The following FRMPD4 variants were observed in gnomAD, a reference collection of about 807,000 sequenced individuals.
FRMPD4 encodes FERM and PDZ domain-containing protein 4.
A neutral mutation model predicts 94.1 loss-of-function variants in FRMPD4; 22 were observed. That is an observed-to-expected ratio of 0.23 (90% CI 0.17 to 0.33). The LOEUF (loss-of-function observed/expected upper bound fraction) is 0.33, where lower values mean the gene tolerates loss of function less well. Ranked by LOEUF, FRMPD4 falls within the 10% of genes least tolerant of loss-of-function variation. The pLI, the probability that FRMPD4 is intolerant of heterozygous loss-of-function variation, is 1.00. For missense variants in FRMPD4, 1,111 were observed against 1,339.9 expected, an observed-to-expected ratio of 0.83 and a Z score of 2.67; for synonymous variants, 631 against 548.6, an observed-to-expected ratio of 1.15 and a Z score of -2.10.
intron 10 of FRMPD4, among the ~76,000 whole-genome samples, chrX:12,703,601 GGATA>G (rs2041825690): frequency 8.9e-6 from 1 of 112,129 alleles, no homozygotes. Flanking sequence ...TTCTACTCCA[GGATA>G]GATTTCCTAG....
At chrX:12,059,514 A>G (rs763117939) in intron 3 of FRMPD4, among the ~76,000 whole-genome samples, 1 of 110,375 alleles carries the variant, frequency 9.1e-6, no homozygotes, top group East Asian at 2.8e-4. Context: ...TAGGTTTGTT[A>G]ACTGGTTATA....
At chrX:11,847,142 G>A (rs1177313546) in intron 1 of FRMPD4, among the ~76,000 whole-genome samples, 1 of 110,939 alleles carries the variant, frequency 9.0e-6, no homozygotes, top group Non-Finnish European at 1.9e-5. Context: ...TGTGACAAAG[G>A]GCTAATATCC....
rs773955635 is a variant in FRMPD4, at chrX:12,716,261, A to G, written c.1802A>G (p.Tyr601Cys). 3.3e-6 allele frequency: 4 copies of G among 1,210,501 alleles called. No homozygotes were observed. Among genetic ancestry groups the G allele is most frequent in the Non-Finnish European group, 4.5e-6 (4 of 894,236 alleles). The change falls in exon 15 of 17, where the codon TAT (tyrosine) becomes TGT (cysteine). Residue 601 changes from tyrosine (Y) to cysteine (C), a missense_variant. Transcript: ENST00000675598. Reference protein sequence around the residue: ...EHRHLYIDNAYSSDGLNQQLS... With the variant: ...EHRHLYIDNACSSDGLNQQLS... ...CGGCACTTGTACATAGACAATGCCT[A>G]TAGTTCAGATGGACTTAACCAGCAG...
intron 1 of FRMPD4, chrX:12,148,981 A>G (rs1447194048): frequency 2.7e-5 from 3 of 112,199 alleles, no homozygotes; most frequent in Non-Finnish European, 5.6e-5. Flanking sequence ...CTGCCCATTG[A>G]CAATGTACCT....
intron 3 of FRMPD4, among the ~76,000 whole-genome samples, chrX:11,895,236 G>A (rs1011832123): frequency 6.3e-5 from 7 of 111,525 alleles, no homozygotes; most frequent in African/African-American, 1.6e-4. Flanking sequence ...TGGCTTCTAC[G>A]CACTAGATGC....
chrX:11,843,917 T>C (rs2053557050), intron 1 of FRMPD4, among the ~76,000 whole-genome samples: 1 of 110,145 alleles, frequency 9.1e-6, no homozygotes, highest in Non-Finnish European at 1.9e-5. Context: ...TGTCAGTTCG[T>C]TTTAGCCAGA....
intron 9 of FRMPD4, among the ~76,000 whole-genome samples, chrX:12,700,682 G>A (rs1437353946): frequency 8.9e-6 from 1 of 112,438 alleles, no homozygotes; most frequent in Non-Finnish European, 1.9e-5. Flanking sequence ...GTGAACAGAG[G>A]AGTTCAATAG....
chrX:12,042,902 A>G (rs890724199), intron 3 of FRMPD4, among the ~76,000 whole-genome samples: 11 of 111,959 alleles, frequency 9.8e-5, no homozygotes, highest in Admixed American at 3.8e-4. Flanking sequence ...GCTCTGCTTC[A>G]GATCAAGTTA....
chrX:12,487,133 G>C (rs892326509), intron 1 of FRMPD4, among the ~76,000 whole-genome samples: 3 of 112,068 alleles, frequency 2.7e-5, no homozygotes, highest in African/African-American at 9.7e-5. Flanking sequence ...CCAGCTCTTA[G>C]AGATTTTCTA....
intron 1 of FRMPD4, among the ~76,000 whole-genome samples, chrX:12,253,269 G>A (rs187054268): frequency 1.8e-5 from 2 of 112,388 alleles, no homozygotes; most frequent in African/African-American, 6.5e-5. Context: ...TGGAAACAGC[G>A]AGTGAGTTGT....
intron 3 of FRMPD4, among the ~76,000 whole-genome samples, chrX:12,077,945 G>T (rs969834587): frequency 1.8e-5 from 2 of 111,963 alleles, no homozygotes; most frequent in African/African-American, 6.5e-5. Flanking sequence ...AGTTTCTGTG[G>T]CTCATGTTTG....
In FRMPD4 at chrX:12,722,538, T is replaced by A. The variant is rs1366188789; in HGVS notation, c.*680T>A. 8.9e-6 allele frequency: 1 copy of A among 111,850 alleles called. No homozygotes were observed. Among genetic ancestry groups the A allele is most frequent in the African/African-American group, 3.2e-5 (1 of 30,803 alleles). 9.2% of individuals were successfully genotyped at this position (111,850 alleles called of 1,213,427 possible). ...GCACAAATGCTCTTCACAGTGGTTC[T>A]AGCATTTAAAAAACTTCCCGGGGAG... On this transcript the variant is annotated 3_prime_UTR_variant, in exon 17 of 17. Coordinates refer to ENST00000675598, the MANE Select transcript of FRMPD4 (RefSeq NM_001368397.1).
intron 4 of FRMPD4, among the ~76,000 whole-genome samples, chrX:12,663,688 CT>C (rs1196746630): frequency 7.1e-5 from 8 of 112,093 alleles, no homozygotes; most frequent in Admixed American, 4.7e-4. Flanking sequence ...TATATGGGCT[CT>C]TTTTTGGTTC....
chrX:11,826,264 C>T, intron 1 of FRMPD4, among the ~76,000 whole-genome samples: 1 of 111,924 alleles, frequency 8.9e-6, no homozygotes, highest in Middle Eastern at 4.6e-3. Flanking sequence ...AGGTGGCTTG[C>T]CTACTTTTTA....
intron 1 of FRMPD4, among the ~76,000 whole-genome samples, chrX:12,295,784 C>T (rs1461404906): frequency 8.9e-6 from 1 of 111,939 alleles, no homozygotes; most frequent in African/African-American, 3.2e-5. Context: ...CAAATATGAA[C>T]GTTCCTTATT....
At chrX:12,059,841 T>A (rs1372474625) in intron 3 of FRMPD4, among the ~76,000 whole-genome samples, 2 of 111,600 alleles carry the variant, frequency 1.8e-5, no homozygotes, top group Admixed American at 1.9e-4. Context: ...ACCATATTTT[T>A]AAAAATCCAA....
At chrX:12,014,287 G>A (rs1321605979) in intron 3 of FRMPD4, among the ~76,000 whole-genome samples, 2 of 112,148 alleles carry the variant, frequency 1.8e-5, no homozygotes, top group East Asian at 5.6e-4. Context: ...GAAGACAACT[G>A]CTATCCATGA....
chrX:12,578,923 A>G (rs2058838138), intron 2 of FRMPD4, among the ~76,000 whole-genome samples: 1 of 112,225 alleles, frequency 8.9e-6, no homozygotes, highest in East Asian at 2.8e-4. Context: ...GATGTTGTTT[A>G]TGCATTCACA....
At chrX:12,363,627 G>A (rs1055524973) in intron 1 of FRMPD4, among the ~76,000 whole-genome samples, 1 of 112,667 alleles carries the variant, frequency 8.9e-6, no homozygotes, top group Non-Finnish European at 1.9e-5. Flanking sequence ...TACTGCCAGG[G>A]CTTTGATGGG....
Sources: gnomAD v4.1 joint callset for allele counts (sites outside exome capture counted in the v4.1 genomes callset) on GRCh38, gnomAD v4.1.1 for gene constraint, MANE v1.5 for transcripts, NCBI Gene and HGNC (gene_info 2026-07-23, HGNC 2026-07-21) for gene names.